The following STPG2 variants were observed in gnomAD, a reference collection of about 807,000 sequenced individuals.
STPG2 encodes sperm-tail PG-rich repeat-containing protein 2.
STPG2 carries 56 observed loss-of-function variants against 54.2 expected under a neutral mutation model. The ratio of observed to expected loss-of-function variants is 1.03; its 90% CI spans 0.83 to 1.29. The LOEUF (loss-of-function observed/expected upper bound fraction) is 1.29, where lower values mean the gene tolerates loss of function less well. Ranked by LOEUF, STPG2 falls within the 50% of genes most tolerant of loss-of-function variation. The pLI is 0.00. For missense variants in STPG2, 596 were observed against 544.9 expected, an observed-to-expected ratio of 1.09 and a Z score of -0.93; for synonymous variants, 200 against 181.8, an observed-to-expected ratio of 1.10 and a Z score of -0.81.
chr4:97,955,636 A>G (rs1379786037), intron 7 of STPG2, among the ~76,000 whole-genome samples: 1 of 152,206 alleles, frequency 6.6e-6, no homozygotes, highest in Non-Finnish European at 1.5e-5. Flanking sequence ...ATAATAGCCA[A>G]GAATTATTTA....
chr4:98,090,866 T>A (rs182328684), intron 5 of STPG2, among the ~76,000 whole-genome samples: 118 of 151,262 alleles, frequency 7.8e-4, no homozygotes, highest in African/African-American at 2.6e-3. Context: ...AATCTCTAGT[T>A]GAGATCCTCC....
intron 7 of STPG2, among the ~76,000 whole-genome samples, chr4:97,952,264 TG>T (rs1733500829): frequency 6.6e-6 from 1 of 151,962 alleles, no homozygotes; most frequent in African/African-American, 2.4e-5. Context: ...TGTCTTGCAG[TG>T]GTGGATGGGA....
intron 7 of STPG2, among the ~76,000 whole-genome samples, chr4:97,968,071 G>A (rs1204884105): frequency 1.3e-5 from 2 of 152,162 alleles, no homozygotes; most frequent in South Asian, 2.1e-4. Context: ...GAATCCAGGA[G>A]CTGGTTTTTT....
intron 4 of STPG2, among the ~76,000 whole-genome samples, chr4:97,447,032 G>C (rs1220921146): frequency 2.6e-5 from 4 of 152,218 alleles, no homozygotes; most frequent in African/African-American, 7.2e-5. Context: ...ACTTCCTAGA[G>C]ACTTGTTAAA....
chr4:97,942,200 G>C (rs1733014075), intron 8 of STPG2, among the ~76,000 whole-genome samples: 3 of 150,506 alleles, frequency 2.0e-5, no homozygotes, highest in African/African-American at 4.9e-5. Flanking sequence ...CCTTCCTATG[G>C]ATGCTTTCAG....
chr4:97,913,025 G>A (rs933523454), intron 8 of STPG2, among the ~76,000 whole-genome samples: 8 of 152,124 alleles, frequency 5.3e-5, no homozygotes, highest in African/African-American at 1.7e-4. Context: ...ACAAATTTAC[G>A]CTGATGTCTA....
chr4:97,736,935 C>A (rs1359683338), intron 9 of STPG2, among the ~76,000 whole-genome samples: 5 of 152,044 alleles, frequency 3.3e-5, no homozygotes, highest in Non-Finnish European at 5.9e-5. Flanking sequence ...CCTGACCCCC[C>A]AGCAGCCTAA....
At chr4:97,707,654 G>T (rs1444687922) in intron 10 of STPG2, among the ~76,000 whole-genome samples, 2 of 152,108 alleles carry the variant, frequency 1.3e-5, no homozygotes, top group African/African-American at 2.4e-5. Context: ...AAGAAATATT[G>T]ACTGGTGGGC....
intron 10 of STPG2, among the ~76,000 whole-genome samples, chr4:97,637,022 G>A (rs996906589): frequency 7.9e-5 from 12 of 152,078 alleles, no homozygotes; most frequent in African/African-American, 2.4e-4. Context: ...TACCAAAGCC[G>A]GGCAGAGACA....
At chr4:97,656,370 G>C (rs1722219028) in intron 10 of STPG2, among the ~76,000 whole-genome samples, 1 of 152,078 alleles carries the variant, frequency 6.6e-6, no homozygotes, top group Non-Finnish European at 1.5e-5. Context: ...TGACAACATT[G>C]AACAGAGATG....
At chr4:97,909,268 GA>G (rs1414552992) in intron 8 of STPG2, among the ~76,000 whole-genome samples, 2 of 151,874 alleles carry the variant, frequency 1.3e-5, no homozygotes, top group East Asian at 3.9e-4. Flanking sequence ...TAAATAAAAT[GA>G]AAAGAAATTG....
At chr4:97,875,143 G>T (rs1254029717) in intron 8 of STPG2, among the ~76,000 whole-genome samples, 1 of 151,822 alleles carries the variant, frequency 6.6e-6, no homozygotes, top group Non-Finnish European at 1.5e-5. Flanking sequence ...TGGTTAATAA[G>T]ACTGCCATAA....
At chr4:97,766,224 T>C (rs1726046062) in intron 9 of STPG2, among the ~76,000 whole-genome samples, 1 of 152,106 alleles carries the variant, frequency 6.6e-6, no homozygotes, top group South Asian at 2.1e-4. Context: ...ATGTCTTGGT[T>C]TTCTTCTTTC....
intron 9 of STPG2, among the ~76,000 whole-genome samples, chr4:97,801,727 T>A (rs969428891): frequency 9.9e-5 from 15 of 152,160 alleles, no homozygotes; most frequent in African/African-American, 3.6e-4. Context: ...TTGTCTCACA[T>A]TCCTTTTTTT....
chr4:97,501,956 T>C (rs1198728634), intron 4 of STPG2, among the ~76,000 whole-genome samples: 7 of 151,620 alleles, frequency 4.6e-5, no homozygotes, highest in Admixed American at 3.3e-4. Context: ...ATTGGATAGA[T>C]TAGAAATAGC....
chr4:97,785,486 G>T lies in STPG2; in HGVS notation c.1204+55287C>A, dbSNP rs891634786. On this transcript the variant is annotated intron_variant, in intron 9 of 10. Coordinates refer to ENST00000295268, the MANE Select transcript of STPG2 (RefSeq NM_174952.3). ...TCTATTTCAAATTATACAATAATTT[G>T]TAGTAAAATATAATTGTATATACGT... Among the ~76,000 whole-genome samples the T allele has an allele frequency of 4.6e-5, 7 of 152,128 alleles. No individual in the cohort carries two copies. The South Asian group carries it at 1.2e-3, about 27-fold the overall frequency.
intron 5 of STPG2, among the ~76,000 whole-genome samples, chr4:98,032,308 C>T (rs1736622672): frequency 6.6e-6 from 1 of 152,146 alleles, no homozygotes; most frequent in African/African-American, 2.4e-5. Flanking sequence ...AACCATGGAA[C>T]CAACCCAAAT....
intron 4 of STPG2, among the ~76,000 whole-genome samples, chr4:97,478,875 G>GTA (rs2148819535): frequency 9.7e-5 from 1 of 10,276 alleles, no homozygotes; most frequent in South Asian, 2.9e-3. Context: ...AGCCAAATAT[G>GTA]TGTGTGTGTG....
At chr4:97,839,956 T>C (rs996552269) in intron 9 of STPG2, among the ~76,000 whole-genome samples, 5 of 151,652 alleles carry the variant, frequency 3.3e-5, no homozygotes, top group Admixed American at 6.6e-5. Context: ...AATTTATTGT[T>C]GAAAATGATT....
Sources: allele counts gnomAD v4.1 joint callset (sites outside exome capture counted in the v4.1 genomes callset), GRCh38; gene constraint gnomAD v4.1.1; transcripts MANE v1.5; gene names NCBI Gene and HGNC (gene_info 2026-07-23, HGNC 2026-07-21).